The following TRRAP variants were observed in gnomAD, a reference collection of about 807,000 sequenced individuals.
TRRAP encodes the protein transformation/transcription domain-associated protein.
In TRRAP, 41 loss-of-function variants were observed where a neutral mutation model predicts 438.8. The observed-to-expected ratio is 0.09, with a 90% CI of 0.07 to 0.12. The LOEUF (loss-of-function observed/expected upper bound fraction) is 0.12. Ranked by LOEUF, TRRAP falls within the 10% of genes least tolerant of loss-of-function variation. The probability of loss-of-function intolerance (pLI) is 1.00; values close to 1 mark genes in which losing one functional copy is unlikely to be tolerated. For missense variants in TRRAP, 3,122 were observed against 5,055.1 expected (o/e 0.62, Z 11.60); for synonymous variants, 1,994 against 1,962.9 (o/e 1.02, Z -0.42).
intron 67 of TRRAP, among the ~76,000 whole-genome samples, chr7:98,995,717 C>T (rs1173731573): frequency 6.7e-6 from 1 of 149,682 alleles, no homozygotes; most frequent in African/African-American, 2.5e-5. Flanking sequence ...ACACATGTCC[C>T]ATCTACGCAC....
intron 45 of TRRAP, 140 bp downstream of exon 45, chr7:98,959,630 C>T (rs1370058234): frequency 3.2e-6 from 4 of 1,241,528 alleles, no homozygotes; most frequent in Admixed American, 5.6e-5. Flanking sequence ...CTTTGCCAGT[C>T]ATGGCCTCTC....
intron 68 of TRRAP, among the ~76,000 whole-genome samples, chr7:99,004,737 C>T (rs1191793639): frequency 6.6e-6 from 1 of 152,196 alleles, no homozygotes; most frequent in Non-Finnish European, 1.5e-5. Flanking sequence ...ATGATTGTAG[C>T]ATTTCCTAGA....
chr7:98,957,552 C>T (rs140343445), intron 43 of TRRAP, among the ~76,000 whole-genome samples: 198 of 152,270 alleles, frequency 1.3e-3, no homozygotes, highest in African/African-American at 4.1e-3. Flanking sequence ...TGGCTCTTGG[C>T]CCCCAGCACC....
intron 48 of TRRAP, 66 bp from the exon 49 acceptor site, chr7:98,965,630 T>G (rs1249110606): frequency 6.2e-7 from 1 of 1,604,132 alleles, no homozygotes; most frequent in Non-Finnish European, 8.5e-7. Flanking sequence ...CAGGCAAGGC[T>G]TAGTGGCTGC....
Position 98,948,097 on chromosome 7 carries a change from A to C in TRRAP, c.4549-124A>C, listed in dbSNP as rs1584347472. ...AGTAAGTTGTGGCTTTTACATGTGA[A>C]CCCTTCGCTTCACTGCCTAGCCTTG... is the stretch of plus-strand genomic sequence containing the variant. On this transcript the variant is annotated intron_variant, in intron 33 of 72. Transcript: ENST00000456197. The surrounding 1 kb of genome is among the most constrained non-coding windows in gnomAD (Gnocchi z 4.9). 1.4e-6 allele frequency: 2 copies of C among 1,396,572 alleles called. No individual in the cohort carries two copies. The highest frequency in any genetic ancestry group is 2.6e-5 in the South Asian group (2 of 77,934). The allele number at this position is 1,396,572 out of a possible 1,614,324, so 86.5% of individuals were successfully genotyped here. A position where few individuals can be genotyped will look rare whatever the true frequency, so the allele number is the denominator to read the frequency against.
intron 30 of TRRAP, among the ~76,000 whole-genome samples, chr7:98,939,621 TTTCCATATA>T (rs1554415109): frequency 6.6e-6 from 1 of 152,264 alleles, no homozygotes; most frequent in African/African-American, 2.4e-5. Context: ...CACCTATCAG[TTTCCATATA>T]TTCCATATAT....
intron 61 of TRRAP, among the ~76,000 whole-genome samples, chr7:98,984,576 A>G (rs1261116498): frequency 1.3e-5 from 2 of 152,200 alleles, no homozygotes; most frequent in African/African-American, 4.8e-5. Context: ...CTGTCCTACT[A>G]TATACTTAGT....
intron 53 of TRRAP, among the ~76,000 whole-genome samples, chr7:98,972,240 G>C (rs1792450281): frequency 6.6e-6 from 1 of 152,158 alleles, no homozygotes; most frequent in African/African-American, 2.4e-5. Flanking sequence ...ACAGGGTCTT[G>C]ATATGTTGCT....
intron 14 of TRRAP, among the ~76,000 whole-genome samples, chr7:98,909,586 T>A (rs1038335058): frequency 1.1e-4 from 16 of 152,208 alleles, no homozygotes; most frequent in Non-Finnish European, 5.9e-5. Context: ...ACCCAAGTGC[T>A]AGACTGGCTG....
chr7:98,953,209 C>A lies in TRRAP; in HGVS notation c.5506C>A (p.Arg1836=). 1 of 1,613,306 alleles carries A rather than the reference C, an allele frequency of 6.2e-7. No homozygotes were observed. Among genetic ancestry groups the A allele is most frequent in the Middle Eastern group, 1.6e-4 (1 of 6,062 alleles). Reference sequence around the variant, plus strand: ...GCAGGCGGACATGCTGGACTCGCTGCGGATCTACCTGCTGCAGTACGCCAC... The same window carrying A: ...GCAGGCGGACATGCTGGACTCGCTGAGGATCTACCTGCTGCAGTACGCCAC... ...EKQADMLDSL[R]IYLLQYATLL... Residue 1836 remains arginine, a synonymous_variant, in exon 40 of 73, where the codon CGG becomes AGG. Transcript: ENST00000456197.
chr7:98,915,749 C>T lies in TRRAP; in HGVS notation c.2226C>T (p.Ser742=). Residue 742 remains serine (S), a synonymous_variant, in exon 19 of 73, where the codon AGC becomes AGT. Transcript: ENST00000456197. ...LKPHLHKIVN[S]SMELAQTAKE... ...CTCACTTGCACAAGATTGTGAACAG[C>T]TCTATGGAGCTCGCGCAGACTGCCA... The T allele has an allele frequency of 1.2e-6, 2 of 1,614,108 alleles. No homozygotes were observed. Among genetic ancestry groups the T allele is most frequent in the Non-Finnish European group, 1.7e-6 (2 of 1,179,974 alleles).
At chr7:98,982,089 C>T (rs1792956780) in intron 59 of TRRAP, 129 bp downstream of exon 59, 2 of 915,578 alleles carry the variant, frequency 2.2e-6, no homozygotes, top group South Asian at 2.2e-5. Flanking sequence ...CTTGTCCTCT[C>T]CCACTTATAC....
chr7:98,908,904 G>A lies in TRRAP; in HGVS notation c.1292G>A (p.Arg431His), dbSNP rs1554408029. 3.7e-6 allele frequency: 6 copies of A among 1,613,812 alleles called. No individual in the cohort carries two copies. Among genetic ancestry groups the A allele is most frequent in the African/African-American group, 1.3e-5 (1 of 74,894 alleles). ...CTGCTGAACCTGGTGGACTGCATCC[G>A]TTCCAAGAGCGAGCAGGAGAGTGGC... Reference protein sequence around the residue: ...KLLLNLVDCIRSKSEQESGNG... With the variant: ...KLLLNLVDCIHSKSEQESGNG... The change falls in exon 14 of 73, where the codon CGT becomes CAT. Residue 431 changes from arginine (R) to histidine (H), a missense_variant. Physicochemically the swap from Arg to His is conservative, Grantham distance 29. Around this residue, in one of 24 missense-constraint regions of TRRAP, gnomAD observed 343 missense variants for 564.0 expected, o/e 0.61. Coordinates refer to ENST00000456197, the MANE Select transcript of TRRAP (RefSeq NM_001375524.1). The surrounding 1 kb of genome is among the most constrained non-coding windows in gnomAD (Gnocchi z 4.1).
rs1554414442 is a variant in TRRAP at position 98,937,211 on chromosome 7, A to T, written c.4167A>T (p.Ala1389=). ...AGTCCAGGGAGAAAATCATCGCTGC[A>T]CTCTTCAAAGCCCTGAATTCCACCA... ...LPQSREKIIA[A]LFKALNSTNS... is the part of the protein sequence containing the mutation. The change falls in exon 29 of 73, where the codon GCA becomes GCT. Residue 1389 remains alanine (A), a synonymous_variant. Transcript: ENST00000456197. 2 of 1,613,682 alleles carry T rather than the reference A, an allele frequency of 1.2e-6. No individual in the cohort carries two copies. The highest frequency in any genetic ancestry group is 1.7e-6 in the Non-Finnish European group (2 of 1,179,708).
At chr7:98,973,560 T>C (rs1792512811) in intron 53 of TRRAP, among the ~76,000 whole-genome samples, 1 of 152,220 alleles carries the variant, frequency 6.6e-6, no homozygotes, top group South Asian at 2.1e-4. Flanking sequence ...GGCTGCTCTC[T>C]GGATGGCGGC....
chr7:98,992,728 T>C (rs892622523), intron 65 of TRRAP, among the ~76,000 whole-genome samples: 8 of 152,196 alleles, frequency 5.3e-5, no homozygotes, highest in African/African-American at 1.9e-4. Context: ...AACAACTGAT[T>C]TGATGGCTTC....
intron 8 of TRRAP, 37 bp from the exon 9 acceptor site, chr7:98,899,384 CA>C (rs782764692): frequency 6.3e-7 from 1 of 1,599,944 alleles, no homozygotes; most frequent in African/African-American, 1.3e-5. Flanking sequence ...TTAAATGCCA[CA>C]ATGGTAACCC....
intron 33 of TRRAP, among the ~76,000 whole-genome samples, chr7:98,947,374 T>C (rs185318871): frequency 6.6e-6 from 1 of 152,342 alleles, no homozygotes; most frequent in African/African-American, 2.4e-5. Flanking sequence ...TTATATACAT[T>C]GATATTTAAT....
intron 30 of TRRAP, among the ~76,000 whole-genome samples, chr7:98,942,303 T>A (rs559769651): frequency 5.8e-4 from 88 of 152,314 alleles, no homozygotes; most frequent in African/African-American, 2.1e-3. Flanking sequence ...ACCAGCCCCT[T>A]CCCTAGGGTC....
Sources: allele counts gnomAD v4.1 joint callset (sites outside exome capture counted in the v4.1 genomes callset), GRCh38; gene constraint gnomAD v4.1.1; regional missense constraint gnomAD v4.1.1; non-coding constraint Gnocchi (gnomAD v3.1); transcripts MANE v1.5; gene names NCBI Gene and HGNC (gene_info 2026-07-23, HGNC 2026-07-21).